The following CPED1 variants were observed in gnomAD, a reference collection of about 807,000 sequenced individuals.
CPED1 encodes the protein cadherin like and PC-esterase domain containing 1.
A neutral mutation model predicts 128.2 loss-of-function variants in CPED1; 114 were observed. The observed-to-expected ratio is 0.89, with a 90% CI of 0.76 to 1.04. The LOEUF is 1.04. CPED1 is among the 50% of genes least tolerant of loss of function. The pLI, the probability that CPED1 is intolerant of heterozygous loss-of-function variation, is 0.00. For synonymous variants in CPED1, 462 were observed against 426.7 expected (o/e 1.08, Z -1.02); for missense variants, 1,211 against 1,207.1 (o/e 1.00, Z -0.05).
intron 16 of CPED1, among the ~76,000 whole-genome samples, chr7:121,178,280 G>A (rs576442708): frequency 8.4e-4 from 128 of 152,246 alleles, no homozygotes; most frequent in African/African-American, 3.0e-3. Flanking sequence ...TGACTTCCTT[G>A]AGGAATGGGT....
chr7:121,116,310 AGTAT>A (rs925594143), intron 7 of CPED1, among the ~76,000 whole-genome samples: 5 of 152,228 alleles, frequency 3.3e-5, no homozygotes, highest in African/African-American at 1.2e-4. Context: ...AATGAGTAAA[AGTAT>A]CCTAATTTAG....
intron 18 of CPED1, among the ~76,000 whole-genome samples, chr7:121,256,119 A>C (rs527815665): frequency 0.025 from 2,232 of 90,450 alleles, 83 homozygotes; most frequent in Non-Finnish European, 0.042. Flanking sequence ...AGCAAAAAAA[A>C]AAAACAAAAC....
chr7:121,250,079 C>A (rs916703817), intron 18 of CPED1, among the ~76,000 whole-genome samples: 4 of 152,146 alleles, frequency 2.6e-5, no homozygotes, highest in African/African-American at 7.2e-5. Context: ...AAGTAAAGCA[C>A]TCCTCAGCAA....
chr7:121,144,448 T>A (rs1376927939), intron 16 of CPED1, among the ~76,000 whole-genome samples: 3 of 152,060 alleles, frequency 2.0e-5, no homozygotes, highest in African/African-American at 7.2e-5. Flanking sequence ...AAATATCACA[T>A]GTTCTCAGTC....
chr7:121,116,103 T>A (rs983242057), intron 7 of CPED1, among the ~76,000 whole-genome samples: 3 of 152,206 alleles, frequency 2.0e-5, no homozygotes, highest in African/African-American at 7.2e-5. Context: ...AACAATTCCC[T>A]TATATGCTTG....
intron 22 of CPED1, among the ~76,000 whole-genome samples, chr7:121,288,161 A>T (rs1313551375): frequency 6.6e-6 from 1 of 152,242 alleles, no homozygotes; most frequent in East Asian, 1.9e-4. Flanking sequence ...CCTGGATTCA[A>T]TTCACAATGG....
chr7:121,048,409 C>T (rs2160010), intron 4 of CPED1, among the ~76,000 whole-genome samples: 100,020 of 152,140 alleles, frequency 0.66, 35,617 homozygotes, highest in Admixed American at 0.8. Context: ...AAATTACCCA[C>T]TTTGTCATCT....
chr7:121,261,658 T>G (rs753046345), intron 18 of CPED1: 1 of 1,611,024 alleles, frequency 6.2e-7, no homozygotes, highest in Non-Finnish European at 8.5e-7. Flanking sequence ...AGAGAGTTCC[T>G]AGAAGCCGTA....
intron 14 of CPED1, among the ~76,000 whole-genome samples, chr7:121,139,871 A>G (rs961129158): frequency 3.3e-5 from 5 of 152,108 alleles, no homozygotes; most frequent in Non-Finnish European, 7.4e-5. Flanking sequence ...TGAACATTTT[A>G]TGTAAGGCAA....
chr7:121,264,439 A>C (rs1792083967), intron 18 of CPED1, among the ~76,000 whole-genome samples: 1 of 152,086 alleles, frequency 6.6e-6, no homozygotes. Context: ...TTACACTGGA[A>C]TGTTATTGTT....
chr7:121,242,053 G>A (rs1402986120), intron 17 of CPED1, among the ~76,000 whole-genome samples: 2 of 152,150 alleles, frequency 1.3e-5, no homozygotes, highest in Non-Finnish European at 1.5e-5. Flanking sequence ...ACTCTAATAT[G>A]TAGTCAATGT....
intron 2 of CPED1, among the ~76,000 whole-genome samples, chr7:120,996,986 C>T (rs1044165886): frequency 6.6e-6 from 1 of 152,222 alleles, no homozygotes; most frequent in African/African-American, 2.4e-5. Flanking sequence ...TATCTCTACC[C>T]TGTCTCTATG....
rs749676033 is a variant in CPED1, at chr7:121,124,445, T to A, written c.1033T>A (p.Ser345Thr). Residue 345 changes from serine (S) to threonine (T), a missense_variant, in exon 8 of 23, where the codon TCT (serine) becomes ACT (threonine). Ser to Thr is a moderately conservative substitution (Grantham distance 58, BLOSUM62 1). Transcript: ENST00000310396. The stretch of plus-strand genomic sequence containing the variant: ...AGCGGCTGAAGTATTCAGTGAAACA[T>A]CTACTCTGGGACCAAAGACCTTCCA... ...LLAAEVFSETSTLGPKTFHRC... is the reference protein window; with the variant it reads ...LLAAEVFSETTTLGPKTFHRC... The A allele has an allele frequency of 1.3e-6, 2 of 1,589,382 alleles. No homozygotes were observed. The highest frequency in any genetic ancestry group is 3.5e-5 in the Admixed American group (2 of 57,908).
Position 121,240,102 on chromosome 7 carries a change from G to A in CPED1, c.2173+3271G>A, listed in dbSNP as rs191329533. On this transcript the variant is annotated intron_variant, in intron 17 of 22. Transcript: ENST00000310396. ...AATGCAAAAATGCAGAGTTATGGCTGTATAAATATAGAGTAGTATGAACCA... is the reference window on the plus strand; with the variant it reads ...AATGCAAAAATGCAGAGTTATGGCTATATAAATATAGAGTAGTATGAACCA... 1.3e-3 allele frequency among the ~76,000 whole-genome samples: 198 copies of A among 152,286 alleles called. 1 individual carries two copies. The highest frequency in any genetic ancestry group is 6.8e-3 in the Middle Eastern group (2 of 294).
At chr7:121,024,529 G>A (rs940804868) in intron 3 of CPED1, among the ~76,000 whole-genome samples, 2 of 152,090 alleles carry the variant, frequency 1.3e-5, no homozygotes, top group Non-Finnish European at 2.9e-5. Flanking sequence ...ACCAGACTGG[G>A]TATTTAAATT....
At chr7:121,055,212 T>C (rs1793463204) in intron 4 of CPED1, among the ~76,000 whole-genome samples, 1 of 152,122 alleles carries the variant, frequency 6.6e-6, no homozygotes, top group Non-Finnish European at 1.5e-5. Flanking sequence ...CTCTTAAGGG[T>C]GATTCATTTG....
intron 5 of CPED1, among the ~76,000 whole-genome samples, chr7:121,066,195 A>G (rs1408821465): frequency 1.3e-5 from 2 of 152,142 alleles, no homozygotes; most frequent in African/African-American, 4.8e-5. Context: ...CATTATATCA[A>G]AAGGCAAAAT....
At chr7:121,283,426 A>C (rs1410025754) in intron 22 of CPED1, among the ~76,000 whole-genome samples, 2 of 152,224 alleles carry the variant, frequency 1.3e-5, no homozygotes, top group East Asian at 3.8e-4. Flanking sequence ...GAACACAATA[A>C]TGTAAGACAA....
intron 16 of CPED1, among the ~76,000 whole-genome samples, chr7:121,202,557 T>G (rs1797422094): frequency 6.6e-6 from 1 of 152,086 alleles, no homozygotes; most frequent in Non-Finnish European, 1.5e-5. Context: ...TTTCTATAGA[T>G]TTTTTCTACA....
Sources: gnomAD v4.1 joint callset for allele counts (sites outside exome capture counted in the v4.1 genomes callset) on GRCh38, gnomAD v4.1.1 for gene constraint, MANE v1.5 for transcripts, NCBI Gene and HGNC (gene_info 2026-07-23, HGNC 2026-07-21) for gene names.